The following BICC1 variants were observed in gnomAD, a reference collection of about 807,000 sequenced individuals.
BICC1 encodes BicC family RNA binding protein 1, also known as protein bicaudal C homolog 1.
In BICC1, 43 loss-of-function variants were observed where a neutral mutation model predicts 111.0. The observed-to-expected ratio is 0.39, with a 90% CI of 0.30 to 0.50. The LOEUF (loss-of-function observed/expected upper bound fraction) is 0.50. Among genes scored for constraint, BICC1 ranks in the 20% least tolerant of loss-of-function variants. The probability of loss-of-function intolerance (pLI) is 0.88; values close to 1 mark genes in which losing one functional copy is unlikely to be tolerated. For synonymous variants in BICC1, 467 were observed against 434.4 expected (o/e 1.07, Z -0.93); for missense variants, 1,091 against 1,203.2 (o/e 0.91, Z 1.38).
intron 2 of BICC1, among the ~76,000 whole-genome samples, chr10:58,647,280 T>C (rs561390593): frequency 1.2e-3 from 180 of 152,312 alleles, no homozygotes; most frequent in African/African-American, 4.0e-3. Context: ...TATTTGCCTA[T>C]AGTAACTATT....
chr10:58,713,392 T>TTATTTACC (rs1320192514), intron 3 of BICC1, among the ~76,000 whole-genome samples: 5 of 152,214 alleles, frequency 3.3e-5, no homozygotes, highest in South Asian at 4.1e-4. Flanking sequence ...AAAATATTGA[T>TTATTTACC]TATTTACCTG....
intron 3 of BICC1, among the ~76,000 whole-genome samples, chr10:58,726,456 G>A (rs1841108678): frequency 6.6e-6 from 1 of 152,134 alleles, no homozygotes; most frequent in South Asian, 2.1e-4. Flanking sequence ...CTTTGGCTGG[G>A]ATTTGCACCT....
intron 2 of BICC1, among the ~76,000 whole-genome samples, chr10:58,647,953 A>G (rs1000783837): frequency 2.0e-5 from 3 of 152,188 alleles, no homozygotes; most frequent in African/African-American, 7.2e-5. Flanking sequence ...ACTGTTGGAG[A>G]ATACACTGCA....
chr10:58,539,241 T>C (rs1236079861), intron 1 of BICC1, among the ~76,000 whole-genome samples: 1 of 151,728 alleles, frequency 6.6e-6, no homozygotes, highest in Non-Finnish European at 1.5e-5. Flanking sequence ...TTGCAGCAAC[T>C]GGGATGGAAC....
At chr10:58,529,174 G>A (rs564519728) in intron 1 of BICC1, among the ~76,000 whole-genome samples, 1 of 151,990 alleles carries the variant, frequency 6.6e-6, no homozygotes, top group South Asian at 2.1e-4. Context: ...GATTTTATGC[G>A]TCTTCAAGTA....
chr10:58,686,403 T>C (rs926420196), intron 2 of BICC1, among the ~76,000 whole-genome samples: 4 of 152,150 alleles, frequency 2.6e-5, no homozygotes, highest in African/African-American at 4.8e-5. Context: ...TGAATTTGAA[T>C]GTTGGCCTGC....
intron 2 of BICC1, among the ~76,000 whole-genome samples, chr10:58,698,106 A>T (rs1247955647): frequency 6.6e-6 from 1 of 152,236 alleles, no homozygotes; most frequent in East Asian, 1.9e-4. Context: ...AAAGTGAGTA[A>T]GTGTGGCCCC....
intron 3 of BICC1, among the ~76,000 whole-genome samples, chr10:58,775,429 C>T (rs1315400052): frequency 6.6e-6 from 1 of 151,800 alleles, no homozygotes; most frequent in Non-Finnish European, 1.5e-5. Context: ...AACATTTAAG[C>T]AGGAACTTTG....
chr10:58,650,957 G>A (rs1351124600), intron 2 of BICC1: 1 of 151,988 alleles, frequency 6.6e-6, no homozygotes, highest in Admixed American at 6.6e-5. Flanking sequence ...AATGTTAATG[G>A]TAACACTTCT....
chr10:58,571,480 C>T (rs1205802415), intron 1 of BICC1, among the ~76,000 whole-genome samples: 1 of 151,518 alleles, frequency 6.6e-6, no homozygotes, highest in African/African-American at 2.4e-5. Flanking sequence ...TCTTGATTTT[C>T]TCCCTCCTCC....
intron 3 of BICC1, among the ~76,000 whole-genome samples, chr10:58,710,456 A>G (rs2132481960): frequency 6.6e-6 from 1 of 152,290 alleles, no homozygotes; most frequent in African/African-American, 2.4e-5. Context: ...CAGAGATTTG[A>G]AGGTAGGCTA....
chr10:58,822,516 A>G (rs1844281803), intron 20 of BICC1, among the ~76,000 whole-genome samples: 2 of 152,006 alleles, frequency 1.3e-5, no homozygotes, highest in Non-Finnish European at 2.9e-5. Flanking sequence ...GTTATATAGT[A>G]CTTTTGCAGA....
intron 1 of BICC1, among the ~76,000 whole-genome samples, chr10:58,586,655 T>C (rs1299753550): frequency 6.7e-6 from 1 of 149,892 alleles, no homozygotes; most frequent in Admixed American, 6.7e-5. Flanking sequence ...TCATACAGAG[T>C]TCCTATGTTC....
chr10:58,527,046 G>T (rs187299263), intron 1 of BICC1, among the ~76,000 whole-genome samples: 1 of 151,962 alleles, frequency 6.6e-6, no homozygotes, highest in Non-Finnish European at 1.5e-5. Context: ...TACCACCAAC[G>T]GTTTAAAAGT....
intron 2 of BICC1, among the ~76,000 whole-genome samples, chr10:58,645,355 C>T (rs929623642): frequency 3.7e-4 from 47 of 126,036 alleles, no homozygotes; most frequent in Non-Finnish European, 4.8e-4. Context: ...TGCAGTGAGC[C>T]GAGATCGCGC....
chr10:58,654,385 G>A (rs1838559430), intron 2 of BICC1, among the ~76,000 whole-genome samples: 2 of 51,086 alleles, frequency 3.9e-5, no homozygotes, highest in African/African-American at 1.4e-4. Flanking sequence ...TAACTGGTGT[G>A]AGATGGTATC....
chr10:58,747,626 T>G (rs1395507262), intron 3 of BICC1, among the ~76,000 whole-genome samples: 2 of 152,256 alleles, frequency 1.3e-5, no homozygotes, highest in South Asian at 2.1e-4. Flanking sequence ...CATTTGAAAT[T>G]TACTCTTTCA....
At position 58,604,617 on chromosome 10, in the gene BICC1, C is replaced by T. The variant is rs141281742; in HGVS notation, c.191-16238C>T. On this transcript the variant is annotated intron_variant, in intron 1 of 20. Transcript: ENST00000373886. ...CAGAGCTTGCAGTGAGCTGAGATCA[C>T]GCCGCTGCACTCCAGCCTGGGTAAC... Among the ~76,000 whole-genome samples the T allele has an allele frequency of 1.7e-3, 262 of 152,176 alleles. 2 individuals carry two copies. Among genetic ancestry groups the T allele is most frequent in the Middle Eastern group, 6.8e-3 (2 of 294 alleles).
In BICC1 at chr10:58,663,474, G is replaced by T. The variant is rs531254425; in HGVS notation, c.238-38600G>T. 2.0e-5 allele frequency among the ~76,000 whole-genome samples: 3 copies of T among 152,186 alleles called. No homozygotes were observed. In the East Asian group the frequency reaches 5.8e-4, roughly 29 times the overall value. ...TTTCCAACATGTCATTTAAATCAGG[G>T]GTCCCCAGCCCCCAGGCTGTGCACT... On this transcript the variant is annotated intron_variant, in intron 2 of 20. Transcript: ENST00000373886.
Sources: allele counts gnomAD v4.1 joint callset (sites outside exome capture counted in the v4.1 genomes callset), GRCh38; gene constraint gnomAD v4.1.1; transcripts MANE v1.5; gene names NCBI Gene and HGNC (gene_info 2026-07-23, HGNC 2026-07-21).